SEMA3A: variants seen among roughly 807,000 people sequenced by gnomAD.
SEMA3A encodes semaphorin-3A.
A neutral mutation model predicts 97.9 loss-of-function variants in SEMA3A; 29 were observed. The observed-to-expected ratio is 0.30, with a 90% CI of 0.22 to 0.40. SEMA3A has a LOEUF of 0.40. SEMA3A is among the 10% of genes least tolerant of loss of function. The pLI is 1.00. For missense variants in SEMA3A, 763 were observed against 951.3 expected (o/e 0.80, Z 2.60); for synonymous variants, 321 against 323.7 (o/e 0.99, Z 0.09).
chr7:83,989,493 G>C (rs1789799391), intron 12 of SEMA3A, among the ~76,000 whole-genome samples: 1 of 132,274 alleles, frequency 7.6e-6, no homozygotes, highest in Non-Finnish European at 1.6e-5. Context: ...ACAGTCTCCA[G>C]AGTGTGATAT....
At chr7:84,401,711 T>C (rs1167748362) in intron 1 of SEMA3A, among the ~76,000 whole-genome samples, 1 of 152,230 alleles carries the variant, frequency 6.6e-6, no homozygotes, top group Non-Finnish European at 1.5e-5. Flanking sequence ...TACACACATT[T>C]AAAGCCAAAT....
chr7:84,136,503 C>A (rs992165650), intron 1 of SEMA3A, among the ~76,000 whole-genome samples: 1 of 152,146 alleles, frequency 6.6e-6, no homozygotes, highest in African/African-American at 2.4e-5. Flanking sequence ...ACTCTTTGGC[C>A]TTTGTTGCTA....
intron 1 of SEMA3A, among the ~76,000 whole-genome samples, chr7:84,408,929 G>C (rs1365795328): frequency 1.3e-5 from 2 of 151,890 alleles, no homozygotes; most frequent in Non-Finnish European, 2.9e-5. Flanking sequence ...CGCATTAGGA[G>C]ATATACCTAA....
intron 1 of SEMA3A, among the ~76,000 whole-genome samples, chr7:84,477,072 A>AT (rs1285746467): frequency 0.012 from 1,487 of 127,042 alleles, 19 homozygotes; most frequent in African/African-American, 0.041. Flanking sequence ...TAAAAAAAAA[A>AT]AATATATATA....
chr7:84,233,527 GAA>G (rs1472177453), intron 3 of SEMA3A, among the ~76,000 whole-genome samples: 1 of 151,900 alleles, frequency 6.6e-6, no homozygotes, highest in Admixed American at 6.6e-5. Flanking sequence ...CACATAATGA[GAA>G]ATGAAAATTG....
At chr7:84,174,714 G>C (rs1562831522) in intron 1 of SEMA3A, among the ~76,000 whole-genome samples, 1 of 152,088 alleles carries the variant, frequency 6.6e-6, no homozygotes, top group Non-Finnish European at 1.5e-5. Context: ...TAAATAAAGA[G>C]ATAGAACAAA....
chr7:84,359,062 T>C (rs62472603), intron 2 of SEMA3A, among the ~76,000 whole-genome samples: 43,550 of 151,968 alleles, frequency 0.29, 6,688 homozygotes, highest in African/African-American at 0.38. Context: ...GTTTTCTACA[T>C]ATACAACCAT....
chr7:84,134,690 A>G (rs568372092), intron 2 of SEMA3A, 104 bp downstream of exon 2: 1 of 893,990 alleles, frequency 1.1e-6, no homozygotes, highest in East Asian at 2.9e-5. Context: ...CTATTAATTC[A>G]AAACAATTTT....
At chr7:84,475,634 C>A (rs949448631) in intron 1 of SEMA3A, among the ~76,000 whole-genome samples, 2 of 152,102 alleles carry the variant, frequency 1.3e-5, no homozygotes, top group African/African-American at 4.8e-5. Flanking sequence ...GTCGGAGGTG[C>A]CCCTATTTGC....
intron 1 of SEMA3A, among the ~76,000 whole-genome samples, chr7:84,401,112 T>C (rs558899481): frequency 1.3e-5 from 2 of 152,302 alleles, no homozygotes; most frequent in African/African-American, 4.8e-5. Flanking sequence ...CTTATACTTA[T>C]AGAAACCTAA....
At chr7:84,473,227 G>A (rs1806198940) in intron 1 of SEMA3A, among the ~76,000 whole-genome samples, 1 of 148,832 alleles carries the variant, frequency 6.7e-6, no homozygotes, top group African/African-American at 2.5e-5. Flanking sequence ...TTCCTCTGAA[G>A]GTTTTATTAT....
chr7:84,457,853 G>C (rs1346878874), intron 1 of SEMA3A, among the ~76,000 whole-genome samples: 1 of 151,918 alleles, frequency 6.6e-6, no homozygotes, highest in Non-Finnish European at 1.5e-5. Context: ...TTGTTATGTA[G>C]CTATGAAAAC....
At chr7:84,029,135 A>G (rs980069132) in intron 6 of SEMA3A, among the ~76,000 whole-genome samples, 2 of 152,238 alleles carry the variant, frequency 1.3e-5, no homozygotes, top group African/African-American at 4.8e-5. Flanking sequence ...AAATGGATAT[A>G]TCAAAATTTA....
At chr7:84,136,273 CAT>C (rs1205387525) in intron 1 of SEMA3A, among the ~76,000 whole-genome samples, 11 of 152,172 alleles carry the variant, frequency 7.2e-5, no homozygotes, top group African/African-American at 2.7e-4. Context: ...CATCAGGAAA[CAT>C]ATATTAGCCA....
chr7:84,431,706 C>T (rs1325631202), intron 1 of SEMA3A, among the ~76,000 whole-genome samples: 1 of 151,306 alleles, frequency 6.6e-6, no homozygotes, highest in African/African-American at 2.4e-5. Context: ...TAGATAAAGC[C>T]AGCTTCAATA....
intron 3 of SEMA3A, among the ~76,000 whole-genome samples, chr7:84,204,376 TA>T (rs1188745241): frequency 2.6e-5 from 4 of 152,178 alleles, no homozygotes; most frequent in Non-Finnish European, 4.4e-5. Flanking sequence ...AAATGGGATA[TA>T]TTTTTTTATT....
chr7:84,180,338 A>G (rs751715081), intron 1 of SEMA3A, among the ~76,000 whole-genome samples: 3 of 152,092 alleles, frequency 2.0e-5, no homozygotes, highest in Non-Finnish European at 4.4e-5. Context: ...ATTGGCATTT[A>G]TCTAGCAGAA....
intron 4 of SEMA3A, among the ~76,000 whole-genome samples, chr7:84,073,360 T>A (rs80181714): frequency 0.12 from 18,240 of 152,010 alleles, 1,176 homozygotes; most frequent in South Asian, 0.15. Context: ...AGACAGATTA[T>A]TCTATCTAGA....
intron 6 of SEMA3A, among the ~76,000 whole-genome samples, chr7:84,037,953 A>G (rs1792000795): frequency 6.6e-6 from 1 of 152,072 alleles, no homozygotes; most frequent in Non-Finnish European, 1.5e-5. Flanking sequence ...TTTTAAGGGC[A>G]TCTAGATACA....
Sources: gnomAD v4.1 joint callset for allele counts (sites outside exome capture counted in the v4.1 genomes callset) on GRCh38, gnomAD v4.1.1 for gene constraint, MANE v1.5 for transcripts, NCBI Gene and HGNC (gene_info 2026-07-23, HGNC 2026-07-21) for gene names.